The following HOMER1 variants were observed in gnomAD, a reference collection of about 807,000 sequenced individuals.
The protein encoded by HOMER1 is homer scaffold protein 1.
HOMER1 carries 3 observed loss-of-function variants against 48.9 expected under a neutral mutation model. That is an observed-to-expected ratio of 0.06 (90% CI 0.03 to 0.16). The LOEUF is 0.16. Among genes scored for constraint, HOMER1 ranks in the 10% least tolerant of loss-of-function variants. The pLI, the probability that HOMER1 is intolerant of heterozygous loss-of-function variation, is 1.00. For missense variants in HOMER1, 247 were observed against 411.4 expected (o/e 0.60, Z 3.46); for synonymous variants, 134 against 146.4 (o/e 0.92, Z 0.61).
At chr5:79,510,637 T>C (rs953850149) in intron 1 of HOMER1, 4 of 916,134 alleles carry the variant, frequency 4.4e-6, no homozygotes, top group African/African-American at 3.2e-5. Context: ...TGAGTGCACA[T>C]GCCAAGGCTA....
intron 1 of HOMER1, among the ~76,000 whole-genome samples, chr5:79,504,169 C>T (rs868093886): frequency 1.1e-4 from 17 of 150,958 alleles, no homozygotes; most frequent in Middle Eastern, 6.8e-3. Context: ...TTTTTTAAAT[C>T]AACAGAATCT....
chr5:79,386,311 T>G (rs1346101394), intron 8 of HOMER1, among the ~76,000 whole-genome samples: 1 of 152,196 alleles, frequency 6.6e-6, no homozygotes, highest in Non-Finnish European at 1.5e-5. Context: ...TGTCATTTGG[T>G]GCAACATGGA....
chr5:79,449,001 A>G (rs901398660), intron 3 of HOMER1, among the ~76,000 whole-genome samples: 13 of 152,186 alleles, frequency 8.5e-5, no homozygotes, highest in Non-Finnish European at 1.9e-4. Context: ...ATTCTCAGAG[A>G]AAAGTTCAAA....
intron 2 of HOMER1, among the ~76,000 whole-genome samples, chr5:79,451,364 T>TA (rs1198965991): frequency 6.6e-6 from 1 of 152,142 alleles, no homozygotes; most frequent in African/African-American, 2.4e-5. Context: ...TAAGTTTACC[T>TA]ATGATCCAAA....
At chr5:79,506,503 G>C (rs1320047319) in intron 1 of HOMER1, among the ~76,000 whole-genome samples, 1 of 152,174 alleles carries the variant, frequency 6.6e-6, no homozygotes, top group Non-Finnish European at 1.5e-5. Context: ...TTTTAACAGA[G>C]AGTCATTATG....
At chr5:79,453,779 C>G (rs544576836) in intron 2 of HOMER1, among the ~76,000 whole-genome samples, 1 of 151,986 alleles carries the variant, frequency 6.6e-6, no homozygotes, top group Non-Finnish European at 1.5e-5. Context: ...TAAGTGAGAA[C>G]GAGTGCACAT....
intron 4 of HOMER1, among the ~76,000 whole-genome samples, chr5:79,444,463 AT>A (rs1440585706): frequency 3.9e-5 from 6 of 152,360 alleles, no homozygotes; most frequent in African/African-American, 1.2e-4. Flanking sequence ...AGGTCCATAT[AT>A]TTTGGCTCTC....
At chr5:79,434,739 T>C (rs1750527413) in intron 5 of HOMER1, among the ~76,000 whole-genome samples, 1 of 110,970 alleles carries the variant, frequency 9.0e-6, no homozygotes. Context: ...TGTTTTTGCA[T>C]AGTTTATGAC....
In HOMER1 at chr5:79,373,316, A is replaced by C. The variant is rs1482634178; in HGVS notation, c.*2693T>G. The C allele has an allele frequency of 1.3e-5, 2 of 150,886 alleles. No homozygotes were observed. The highest frequency in any genetic ancestry group is 4.9e-5 in the African/African-American group (2 of 41,112). 9.3% of individuals were successfully genotyped at this position (150,886 alleles called of 1,614,324 possible). A position where few individuals can be genotyped will look rare whatever the true frequency, so the allele number is the denominator to read the frequency against. On this transcript the variant is annotated 3_prime_UTR_variant, in exon 9 of 9. Transcript: ENST00000334082. Reference sequence around the variant, plus strand: ...TTTTTGCTTTTCTTTTTTTTTTTCAATTTTTGTTTTTGTACAAGATTCAAT... The same window carrying C: ...TTTTTGCTTTTCTTTTTTTTTTTCACTTTTTGTTTTTGTACAAGATTCAAT...
At chr5:79,417,173 C>T (rs1209705774) in intron 5 of HOMER1, among the ~76,000 whole-genome samples, 1 of 150,372 alleles carries the variant, frequency 6.7e-6, no homozygotes, top group African/African-American at 2.5e-5. Flanking sequence ...GACGAAGTCT[C>T]GCTCTGTTGC....
At chr5:79,418,984 A>G (rs1460499168) in intron 5 of HOMER1, among the ~76,000 whole-genome samples, 1 of 152,218 alleles carries the variant, frequency 6.6e-6, no homozygotes, top group Non-Finnish European at 1.5e-5. Flanking sequence ...TAGCCTGGTA[A>G]AGTATGGATT....
At chr5:79,407,962 G>A (rs575549462) in intron 5 of HOMER1, among the ~76,000 whole-genome samples, 6 of 152,134 alleles carry the variant, frequency 3.9e-5, no homozygotes, top group African/African-American at 1.2e-4. Context: ...TTTGAGAGAG[G>A]GAGAGACCAC....
intron 1 of HOMER1, among the ~76,000 whole-genome samples, chr5:79,472,153 T>C (rs1224948761): frequency 6.6e-6 from 1 of 152,222 alleles, no homozygotes; most frequent in Non-Finnish European, 1.5e-5. Context: ...GCATCTCAAA[T>C]TTCTGGCACA....
At chr5:79,447,167 A>G in intron 3 of HOMER1, 22 bp from the exon 4 acceptor site, 4 of 1,450,386 alleles carry the variant, frequency 2.8e-6, no homozygotes, top group Non-Finnish European at 3.9e-6. Context: ...GAGACTACAT[A>G]CATTAACCAA....
chr5:79,375,904 A>ATT lies in HOMER1; in HGVS notation c.*103_*104dup, dbSNP rs34470593. 0.034 allele frequency: 11,811 copies of ATT among 347,268 alleles called. 11 individuals carry two copies. Among genetic ancestry groups the ATT allele is most frequent in the Middle Eastern group, 0.047 (60 of 1,280 alleles). The allele number at this position is 347,268 out of a possible 1,614,324, so 21.5% of individuals were successfully genotyped here. ...CCTCCTCCTGGAGGAGTGATATTCA[A>ATT]TTTTTTTTTTTTTTTTTTTGTGCAA... is the stretch of plus-strand genomic sequence containing the variant. On this transcript the variant is annotated 3_prime_UTR_variant, in exon 9 of 9. Coordinates refer to ENST00000334082, the MANE Select transcript of HOMER1 (RefSeq NM_004272.5).
chr5:79,451,700 G>A (rs1369694132), intron 2 of HOMER1, among the ~76,000 whole-genome samples: 1 of 151,156 alleles, frequency 6.6e-6, no homozygotes, highest in African/African-American at 2.4e-5. Context: ...TGAGTAGCTG[G>A]GACTACAGGC....
chr5:79,480,737 C>G (rs112472884), intron 1 of HOMER1, among the ~76,000 whole-genome samples: 5 of 152,304 alleles, frequency 3.3e-5, no homozygotes, highest in Middle Eastern at 6.8e-3. Flanking sequence ...CTTTTCATAA[C>G]TGAAAACCCA....
At chr5:79,391,742 CAA>C (rs959958115) in intron 8 of HOMER1, among the ~76,000 whole-genome samples, 6 of 117,704 alleles carry the variant, frequency 5.1e-5, no homozygotes, top group Admixed American at 8.9e-5. Context: ...GACTCTGTCT[CAA>C]AAAAAAAAAA....
chr5:79,504,209 G>A lies in HOMER1; in HGVS notation c.5+8561C>T, dbSNP rs553188270. Among the ~76,000 whole-genome samples, 10 of 151,968 alleles carry A rather than the reference G, an allele frequency of 6.6e-5. No individual in the cohort carries two copies. The South Asian group carries it at 1.9e-3, about 28-fold the overall frequency. ...AAAGACGAGTTTAAGAGTGACTTGG[G>A]AGTAGTCCCACTGAGCTTAATGTAT... On this transcript the variant is annotated intron_variant, in intron 1 of 8. Transcript: ENST00000334082.
Sources: gnomAD v4.1 joint callset for allele counts (sites outside exome capture counted in the v4.1 genomes callset) on GRCh38, gnomAD v4.1.1 for gene constraint, MANE v1.5 for transcripts, NCBI Gene and HGNC (gene_info 2026-07-23, HGNC 2026-07-21) for gene names.